The following FGF14 variants were observed in gnomAD, a reference collection of about 807,000 sequenced individuals.
The protein encoded by FGF14 is fibroblast growth factor homologous factor 4.
Under a neutral mutation model 25.5 loss-of-function variants are expected in FGF14, and 5 were observed. The observed-to-expected ratio is 0.20, with a 90% CI of 0.10 to 0.41. The LOEUF (loss-of-function observed/expected upper bound fraction) is 0.41. Among genes scored for constraint, FGF14 ranks in the 10% least tolerant of loss-of-function variants. FGF14 has a pLI of 1.00. For synonymous variants in FGF14, 138 were observed against 118.3 expected (o/e 1.17, Z -1.08); for missense variants, 222 against 320.1 (o/e 0.69, Z 2.34).
In FGF14 at chr13:101,916,721, CGGCGCAGA is replaced by C. The variant is rs2033546308; in HGVS notation, c.-84_-77del. 2.8e-5 allele frequency: 36 copies of C among 1,305,432 alleles called. No individual in the cohort carries two copies. Among genetic ancestry groups the C allele is most frequent in the Non-Finnish European group, 3.6e-5 (35 of 980,130 alleles). The allele number at this position is 1,305,432 out of a possible 1,614,324, so 80.9% of individuals were successfully genotyped here. A position where few individuals can be genotyped will look rare whatever the true frequency, so the allele number is the denominator to read the frequency against. On this transcript the variant is annotated 5_prime_UTR_variant, in exon 1 of 5. Coordinates refer to ENST00000376143, the MANE Select transcript of FGF14 (RefSeq NM_004115.4). ...CCGGGGGCACCGGAGGGGAAGGCGG[CGGCGCAGA>C]CCGTGGCTCGCCCTCGGGGCAGAGG...
At chr13:101,896,253 T>C (rs530554476) in intron 1 of FGF14, among the ~76,000 whole-genome samples, 1 of 152,286 alleles carries the variant, frequency 6.6e-6, no homozygotes, top group Non-Finnish European at 1.5e-5. Context: ...TGCCTTTTTC[T>C]TGCCCCAAAT....
chr13:101,827,541 G>C (rs2042447081), intron 3 of FGF14, among the ~76,000 whole-genome samples: 1 of 151,744 alleles, frequency 6.6e-6, no homozygotes, highest in Admixed American at 6.6e-5. Context: ...CTTCAAGAAA[G>C]AGTAAGGCTA....
chr13:101,979,560 G>A (rs1315726179), intron 1 of FGF14, among the ~76,000 whole-genome samples: 1 of 152,114 alleles, frequency 6.6e-6, no homozygotes, highest in Non-Finnish European at 1.5e-5. Flanking sequence ...CCCAAACCTG[G>A]TGTGTTATTT....
At chr13:102,001,559 TGG>T in intron 1 of FGF14, among the ~76,000 whole-genome samples, 1 of 152,202 alleles carries the variant, frequency 6.6e-6, no homozygotes, top group Non-Finnish European at 1.5e-5. Context: ...TCTAAGAACA[TGG>T]GTGTATCCCA....
intron 1 of FGF14, among the ~76,000 whole-genome samples, chr13:102,146,245 C>T (rs1430633447): frequency 1.3e-5 from 2 of 152,156 alleles, no homozygotes; most frequent in African/African-American, 2.4e-5. Context: ...ATGCTAGTGG[C>T]TCTTGGTAGG....
At chr13:102,045,513 C>A (rs1324156971) in intron 1 of FGF14, among the ~76,000 whole-genome samples, 1 of 152,052 alleles carries the variant, frequency 6.6e-6, no homozygotes, top group African/African-American at 2.4e-5. Context: ...TACTGTGGAG[C>A]AACTGTGATC....
intron 1 of FGF14, among the ~76,000 whole-genome samples, chr13:101,949,692 G>C (rs1804348595): frequency 6.6e-6 from 1 of 152,166 alleles, no homozygotes; most frequent in Non-Finnish European, 1.5e-5. Context: ...CTAAAGAAGA[G>C]TTAGTAAAAT....
chr13:102,149,870 G>C (rs2047007865), intron 1 of FGF14, among the ~76,000 whole-genome samples: 1 of 152,150 alleles, frequency 6.6e-6, no homozygotes. Context: ...CTTTACTAGG[G>C]AGAATAGACA....
chr13:102,327,289 G>A (rs748849240), intron 1 of FGF14, among the ~76,000 whole-genome samples: 2 of 152,140 alleles, frequency 1.3e-5, no homozygotes, highest in African/African-American at 2.4e-5. Context: ...AGGATCCAAG[G>A]TGACTTGGCA....
At chr13:101,992,954 G>C (rs1000954666) in intron 1 of FGF14, among the ~76,000 whole-genome samples, 1 of 151,960 alleles carries the variant, frequency 6.6e-6, no homozygotes, top group Non-Finnish European at 1.5e-5. Context: ...AACGATGGAT[G>C]TCAAACTACA....
At chr13:101,951,815 T>G (rs942624295) in intron 1 of FGF14, among the ~76,000 whole-genome samples, 1 of 152,202 alleles carries the variant, frequency 6.6e-6, no homozygotes, top group African/African-American at 2.4e-5. Flanking sequence ...TTCTTATGGT[T>G]AATAATAACA....
chr13:102,248,352 T>A (rs970830485), intron 1 of FGF14, among the ~76,000 whole-genome samples: 5 of 152,150 alleles, frequency 3.3e-5, no homozygotes, highest in African/African-American at 1.2e-4. Context: ...CTCTTAGAAA[T>A]TATTAATGTA....
At chr13:102,135,060 C>CACAAAA (rs1309843867) in intron 1 of FGF14, among the ~76,000 whole-genome samples, 49 of 139,266 alleles carry the variant, frequency 3.5e-4, no homozygotes, top group African/African-American at 1.3e-3. Flanking sequence ...CACACACACA[C>CACAAAA]AAATCCGCGT....
chr13:101,924,470 T>A (rs2139191508), intron 1 of FGF14, among the ~76,000 whole-genome samples: 1 of 152,290 alleles, frequency 6.6e-6, no homozygotes, highest in Non-Finnish European at 1.5e-5. Context: ...ATTTTCAAAC[T>A]CCCAGTTCAT....
chr13:101,816,406 T>G (rs939083773), intron 3 of FGF14, among the ~76,000 whole-genome samples: 1 of 152,110 alleles, frequency 6.6e-6, no homozygotes, highest in Non-Finnish European at 1.5e-5. Flanking sequence ...AAGAGAAGGA[T>G]TAAAAATTCA....
chr13:101,839,968 G>A (rs751446304), intron 3 of FGF14, among the ~76,000 whole-genome samples: 15 of 151,954 alleles, frequency 9.9e-5, no homozygotes, highest in Non-Finnish European at 2.2e-4. Flanking sequence ...AAGAATGGCT[G>A]ATCTGTTTTT....
At chr13:102,062,580 G>A (rs2042735791) in intron 1 of FGF14, among the ~76,000 whole-genome samples, 1 of 152,050 alleles carries the variant, frequency 6.6e-6, no homozygotes, top group African/African-American at 2.4e-5. Flanking sequence ...TGAATATATA[G>A]AGGCCATTTT....
chr13:102,271,826 C>T (rs1167074363), intron 1 of FGF14, among the ~76,000 whole-genome samples: 1 of 152,122 alleles, frequency 6.6e-6, no homozygotes, highest in Non-Finnish European at 1.5e-5. Flanking sequence ...CCTCTTCTTT[C>T]CACCCTGGCT....
chr13:101,857,974 T>C (rs1425730601), intron 3 of FGF14, among the ~76,000 whole-genome samples: 1 of 152,038 alleles, frequency 6.6e-6, no homozygotes, highest in Admixed American at 6.6e-5. Flanking sequence ...GTTTGGCTTT[T>C]CAATAAGAAT....
Sources: gnomAD v4.1 joint callset for allele counts (sites outside exome capture counted in the v4.1 genomes callset) on GRCh38, gnomAD v4.1.1 for gene constraint, MANE v1.5 for transcripts, NCBI Gene and HGNC (gene_info 2026-07-23, HGNC 2026-07-21) for gene names.